IL15: variants seen among roughly 807,000 people sequenced by gnomAD.
The protein encoded by IL15 is interleukin-15.
Under a neutral mutation model 19.6 loss-of-function variants are expected in IL15, and 11 were observed. The ratio of observed to expected loss-of-function variants is 0.56; its 90% confidence interval spans 0.35 to 0.93. The LOEUF is 0.93. IL15 is among the 40% of genes least tolerant of loss of function. The pLI is 0.01. For missense variants in IL15, 197 were observed against 186.5 expected (o/e 1.06, Z -0.33); for synonymous variants, 58 against 59.6 (o/e 0.97, Z 0.12).
rs112688716 is a variant in IL15 at position 141,720,813 on chromosome 4, A to G, written c.110+247A>G. 1,075 of 552,230 alleles carry G rather than the reference A, an allele frequency of 1.9e-3. 19 individuals are homozygous for G. Among genetic ancestry groups the G allele is most frequent in the African/African-American group, 0.019 (987 of 52,062 alleles). 34.2% of individuals were successfully genotyped at this position (552,230 alleles called of 1,614,324 possible). A position where few individuals can be genotyped will look rare whatever the true frequency, so the allele number is the denominator to read the frequency against. The stretch of plus-strand genomic sequence containing the variant: ...CCTCAAATAAATTGGGCCTTTTGAT[A>G]TTTAACTGAACTTGGAAGTATACCA... On this transcript the variant is annotated intron_variant, in intron 4 of 7. Coordinates refer to ENST00000320650, the MANE Select transcript of IL15 (RefSeq NM_000585.5).
intron 2 of IL15, among the ~76,000 whole-genome samples, chr4:141,712,670 T>C (rs906768004): frequency 1.3e-4 from 20 of 149,040 alleles, no homozygotes; most frequent in African/African-American, 4.9e-4. Flanking sequence ...AATATATTGT[T>C]TAAATATAGT....
At chr4:141,727,313 G>A (rs1049509983) in intron 5 of IL15, among the ~76,000 whole-genome samples, 1 of 151,562 alleles carries the variant, frequency 6.6e-6, no homozygotes, top group Non-Finnish European at 1.5e-5. Flanking sequence ...TGTACTTTCT[G>A]CTAGTTTTTC....
At chr4:141,699,677 T>C (rs1328810493) in intron 2 of IL15, among the ~76,000 whole-genome samples, 1 of 152,208 alleles carries the variant, frequency 6.6e-6, no homozygotes, top group Non-Finnish European at 1.5e-5. Flanking sequence ...TTGCATGGAA[T>C]ATCTTTTTCC....
chr4:141,675,366 T>C (rs1049765222), intron 2 of IL15, among the ~76,000 whole-genome samples: 5 of 152,128 alleles, frequency 3.3e-5, no homozygotes. Flanking sequence ...AGGCATAAAA[T>C]TAATTGTGGT....
Position 141,661,763 on chromosome 4 carries a change from A to G in IL15, c.-100+5456A>G, listed in dbSNP as rs552896817. 9.9e-5 allele frequency among the ~76,000 whole-genome samples: 15 copies of G among 151,964 alleles called. No individual in the cohort carries two copies. In the East Asian group the frequency reaches 1.5e-3, roughly 16 times the overall value. On this transcript the variant is annotated intron_variant, in intron 2 of 7. Transcript: ENST00000320650. ...ATGGCGAGCTCTGTTGCACTCCCTT[A>G]TATTGGCTCCCTCCGCCCTCCATTT... is the stretch of plus-strand genomic sequence containing the variant.
At chr4:141,698,237 G>C (rs573133191) in intron 2 of IL15, among the ~76,000 whole-genome samples, 1 of 152,108 alleles carries the variant, frequency 6.6e-6, no homozygotes, top group Admixed American at 6.5e-5. Context: ...AATTTGGTTA[G>C]CTAGTATTTT....
chr4:141,718,299 C>G (rs746604010), intron 2 of IL15: 9 of 151,180 alleles, frequency 6.0e-5, no homozygotes, highest in Non-Finnish European at 1.3e-4. Flanking sequence ...AATGTGGATT[C>G]AAGGATACCA....
intron 2 of IL15, among the ~76,000 whole-genome samples, chr4:141,707,720 T>C (rs1157057256): frequency 6.6e-6 from 1 of 152,160 alleles, no homozygotes; most frequent in African/African-American, 2.4e-5. Flanking sequence ...TTTGAGGTAG[T>C]GGCATAGTTT....
chr4:141,696,272 G>A (rs555113311), intron 2 of IL15, among the ~76,000 whole-genome samples: 15 of 152,030 alleles, frequency 9.9e-5, no homozygotes, highest in East Asian at 3.9e-4. Context: ...GGTTTTCTAC[G>A]CTGTTAAATT....
chr4:141,727,955 G>T lies in IL15; in HGVS notation c.211G>T (p.Ala71Ser). ...TTCCTTTCAGTCTATGCATATTGAT[G>T]CTACTTTATATACGGAAAGTGATGT... ...EDLIQSMHID[A>S]TLYTESDVHP... is the part of the protein sequence containing the mutation. The change falls in exon 6 of 8, where the codon GCT becomes TCT. Residue 71 changes from alanine (A) to serine (S), a missense_variant. Transcript: ENST00000320650. 7.4e-7 allele frequency: 1 copy of T among 1,342,496 alleles called. No homozygotes were observed. Among genetic ancestry groups the T allele is most frequent in the African/African-American group, 1.5e-5 (1 of 68,176 alleles). The allele number at this position is 1,342,496 out of a possible 1,614,324, so 83.2% of individuals were successfully genotyped here. A position where few individuals can be genotyped will look rare whatever the true frequency, so the allele number is the denominator to read the frequency against.
intron 1 of IL15, among the ~76,000 whole-genome samples, chr4:141,647,852 T>G (rs1727281746): frequency 6.6e-6 from 1 of 152,044 alleles, no homozygotes; most frequent in Non-Finnish European, 1.5e-5. Flanking sequence ...GATAGATACT[T>G]CTCTCATAGT....
intron 2 of IL15, among the ~76,000 whole-genome samples, chr4:141,707,416 C>A (rs1012163597): frequency 2.6e-5 from 4 of 152,092 alleles, no homozygotes; most frequent in Admixed American, 6.5e-5. Flanking sequence ...GGGTCTTCTA[C>A]TAGGATTTAT....
chr4:141,709,034 ATAT>A (rs1478759888), intron 2 of IL15, among the ~76,000 whole-genome samples: 2 of 138,432 alleles, frequency 1.4e-5, no homozygotes, highest in East Asian at 2.1e-4. Context: ...AAAATTTTCA[ATAT>A]TATTCAATAT....
intron 1 of IL15, among the ~76,000 whole-genome samples, chr4:141,653,802 G>A (rs1365885089): frequency 6.6e-6 from 1 of 152,094 alleles, no homozygotes; most frequent in Non-Finnish European, 1.5e-5. Context: ...ATATTCTAAA[G>A]TGAGCTAGAG....
At chr4:141,648,913 C>T (rs1442659358) in intron 1 of IL15, among the ~76,000 whole-genome samples, 1 of 152,092 alleles carries the variant, frequency 6.6e-6, no homozygotes, top group Non-Finnish European at 1.5e-5. Flanking sequence ...ATTTATTGAT[C>T]ACTTTCTCTG....
At chr4:141,712,856 T>C (rs1729755399) in intron 2 of IL15, among the ~76,000 whole-genome samples, 1 of 151,752 alleles carries the variant, frequency 6.6e-6, no homozygotes, top group South Asian at 2.1e-4. Flanking sequence ...ATTTTAAGCA[T>C]TCCAAAGAAC....
intron 2 of IL15, among the ~76,000 whole-genome samples, chr4:141,686,557 G>A (rs1728720171): frequency 6.6e-6 from 1 of 152,130 alleles, no homozygotes; most frequent in Admixed American, 6.5e-5. Flanking sequence ...CTTGTCTGTG[G>A]AGTGTGGTAA....
At chr4:141,649,791 A>G (rs1172059000) in intron 1 of IL15, among the ~76,000 whole-genome samples, 1 of 152,100 alleles carries the variant, frequency 6.6e-6, no homozygotes, top group Non-Finnish European at 1.5e-5. Context: ...ATGGCTCAAC[A>G]TCAGAAAATC....
At chr4:141,730,446 C>A (rs891686482) in intron 7 of IL15, among the ~76,000 whole-genome samples, 3 of 152,058 alleles carry the variant, frequency 2.0e-5, no homozygotes, top group East Asian at 3.9e-4. Flanking sequence ...ATCTTTATTT[C>A]TGTTTGAATG....
Sources: gnomAD v4.1 joint callset for allele counts (sites outside exome capture counted in the v4.1 genomes callset) on GRCh38, gnomAD v4.1.1 for gene constraint, MANE v1.5 for transcripts, NCBI Gene and HGNC (gene_info 2026-07-23, HGNC 2026-07-21) for gene names.